MTHFD2L: variants seen among roughly 807,000 people sequenced by gnomAD.
MTHFD2L encodes methylenetetrahydrofolate dehydrogenase (NADP+ dependent) 2 like.
In MTHFD2L, 29 loss-of-function variants were observed where a neutral mutation model predicts 34.9. The observed-to-expected ratio is 0.83, with a 90% CI of 0.62 to 1.13. MTHFD2L has a LOEUF of 1.13. Ranked by LOEUF, MTHFD2L falls within the 50% of genes most tolerant of loss-of-function variation. The probability of loss-of-function intolerance (pLI) is 0.00; values close to 1 mark genes in which losing one functional copy is unlikely to be tolerated. For missense variants in MTHFD2L, 481 were observed against 446.5 expected, an observed-to-expected ratio of 1.08 and a Z score of -0.70; for synonymous variants, 167 against 155.7, an observed-to-expected ratio of 1.07 and a Z score of -0.54.
intron 5 of MTHFD2L, among the ~76,000 whole-genome samples, chr4:74,209,358 A>G (rs930995884): frequency 2.0e-5 from 3 of 151,858 alleles, no homozygotes; most frequent in South Asian, 2.1e-4. Flanking sequence ...CCACCACCCA[A>G]CAGGCCCAGG....
intron 3 of MTHFD2L, among the ~76,000 whole-genome samples, chr4:74,179,505 G>T (rs1423972938): frequency 1.3e-5 from 2 of 151,784 alleles, no homozygotes; most frequent in East Asian, 1.9e-4. Context: ...TTGCACTTTG[G>T]TACATTTTTG....
At chr4:74,152,684 C>A (rs947717105) in intron 1 of MTHFD2L, among the ~76,000 whole-genome samples, 73 of 152,132 alleles carry the variant, frequency 4.8e-4, no homozygotes, top group African/African-American at 1.7e-3. Context: ...TTGTCTCCAC[C>A]CCCTGACAGG....
intron 6 of MTHFD2L, among the ~76,000 whole-genome samples, chr4:74,272,427 C>T (rs932136387): frequency 1.1e-4 from 17 of 152,058 alleles, no homozygotes; most frequent in African/African-American, 4.1e-4. Flanking sequence ...AGAAATTTCT[C>T]CTTGTGAATT....
chr4:74,300,890 A>T (rs983332069), intron 7 of MTHFD2L, among the ~76,000 whole-genome samples: 1 of 152,098 alleles, frequency 6.6e-6, no homozygotes, highest in African/African-American at 2.4e-5. Flanking sequence ...ATATTTGGAC[A>T]AATAATCTCA....
In MTHFD2L at chr4:74,267,642, C is replaced by T. The variant is rs1745481467; in HGVS notation, c.806-13783C>T. ...TAGTGACAAGGTTTCCCTATGTTGC[C>T]CAGGCTGGTTTTGAACTCCTGGGCT... is the stretch of plus-strand genomic sequence containing the variant. On this transcript the variant is annotated intron_variant, in intron 6 of 7. Coordinates refer to ENST00000325278, the MANE Select transcript of MTHFD2L (RefSeq NM_001144978.3). 3.8e-6 allele frequency: 3 copies of T among 796,736 alleles called. No homozygotes were observed. In the African/African-American group the frequency reaches 5.6e-5, roughly 15 times the overall value. 49.4% of individuals were successfully genotyped at this position (796,736 alleles called of 1,614,324 possible).
chr4:74,133,050 T>A (rs1722668086), intron 1 of MTHFD2L, among the ~76,000 whole-genome samples: 1 of 152,194 alleles, frequency 6.6e-6, no homozygotes, highest in African/African-American at 2.4e-5. Context: ...GTTGAAGAAT[T>A]CCCTTTAGCA....
At chr4:74,169,833 TAAA>T (rs1727517931) in intron 1 of MTHFD2L, among the ~76,000 whole-genome samples, 1 of 152,296 alleles carries the variant, frequency 6.6e-6, no homozygotes, top group South Asian at 2.1e-4. Context: ...CTTTGAAAAA[TAAA>T]AACCTCAAAA....
intron 5 of MTHFD2L, among the ~76,000 whole-genome samples, chr4:74,206,083 A>C (rs897506095): frequency 3.3e-5 from 5 of 151,796 alleles, no homozygotes; most frequent in Non-Finnish European, 7.4e-5. Flanking sequence ...TGTGTAGTTC[A>C]ACAAGAGCAA....
chr4:74,132,250 A>T (rs1722575037), intron 1 of MTHFD2L, among the ~76,000 whole-genome samples: 1 of 152,170 alleles, frequency 6.6e-6, no homozygotes, highest in Admixed American at 6.5e-5. Context: ...TATATACCCA[A>T]AGGATTATAA....
rs1323003200 is a variant in MTHFD2L at position 74,283,374 on chromosome 4, CACTT to C, written c.931+1825_931+1828del. ...GTATATGCTTAGTAGCACATATACT[CACTT>C]CATGTCACATGAAGTCTAACTTGTT... On this transcript the variant is annotated intron_variant, in intron 7 of 7. Coordinates refer to ENST00000325278, the MANE Select transcript of MTHFD2L (RefSeq NM_001144978.3). 3.9e-5 allele frequency among the ~76,000 whole-genome samples: 6 copies of C among 152,006 alleles called. No individual in the cohort carries two copies. In the South Asian group the frequency reaches 1.2e-3, roughly 32 times the overall value.
At chr4:74,195,950 A>G (rs1436447826) in intron 3 of MTHFD2L, 2 of 152,214 alleles carry the variant, frequency 1.3e-5, no homozygotes, top group Admixed American at 6.5e-5. Flanking sequence ...TTTGAATAGA[A>G]TGGGAGGCAG....
At chr4:74,228,945 C>T (rs1442548019) in intron 6 of MTHFD2L, among the ~76,000 whole-genome samples, 1 of 152,164 alleles carries the variant, frequency 6.6e-6, no homozygotes, top group Non-Finnish European at 1.5e-5. Flanking sequence ...GTTGGCCATA[C>T]ACCATGCTAA....
intron 3 of MTHFD2L, chr4:74,180,882 G>A (rs1480470131): frequency 5.3e-6 from 1 of 190,406 alleles, no homozygotes; most frequent in Non-Finnish European, 1.2e-5. Context: ...AAAGGGGTCT[G>A]TTATTTATGT....
chr4:74,149,019 C>G (rs187268005), intron 1 of MTHFD2L, among the ~76,000 whole-genome samples: 1 of 151,896 alleles, frequency 6.6e-6, no homozygotes, highest in East Asian at 1.9e-4. Context: ...TTCTTCTTAT[C>G]TTTCTGCTGT....
rs914916303 is a variant in MTHFD2L at position 74,207,262 on chromosome 4, A to G, written c.712+5892A>G. Among the ~76,000 whole-genome samples, 8 of 152,126 alleles carry G rather than the reference A, an allele frequency of 5.3e-5. No individual in the cohort carries two copies. In the South Asian group the frequency reaches 1.7e-3, roughly 32 times the overall value. ...ATTTCTAAGTAGGACATATCTTCTA[A>G]TTAGGTGAGATTTCCCTAATCAGCC... On this transcript the variant is annotated intron_variant, in intron 5 of 7. Coordinates refer to ENST00000325278, the MANE Select transcript of MTHFD2L (RefSeq NM_001144978.3).
rs77772861 is a variant in MTHFD2L, at chr4:74,299,823, G to T, written c.932-1874G>T. ...TGATGTCTAGTTAAGGGAACAGACA[G>T]TGCACAGTGTCTTAAGTTCCATAAT... On this transcript the variant is annotated intron_variant, in intron 7 of 7. Transcript: ENST00000325278. 2.2e-3 allele frequency among the ~76,000 whole-genome samples: 328 copies of T among 152,170 alleles called. 1 individual carries two copies. The highest frequency in any genetic ancestry group is 7.6e-3 in the African/African-American group (317 of 41,552).
At chr4:74,294,420 T>G (rs1043652400) in intron 7 of MTHFD2L, among the ~76,000 whole-genome samples, 1 of 152,070 alleles carries the variant, frequency 6.6e-6, no homozygotes. Context: ...GAACATAAAG[T>G]TTCCAAATGA....
chr4:74,268,383 T>G (rs988791892), intron 6 of MTHFD2L: 16 of 408,250 alleles, frequency 3.9e-5, no homozygotes, highest in Non-Finnish European at 4.6e-5. Context: ...AGTAAGCATT[T>G]CCATGGTGTT....
intron 5 of MTHFD2L, among the ~76,000 whole-genome samples, chr4:74,223,364 G>A (rs976816249): frequency 2.0e-5 from 3 of 151,932 alleles, no homozygotes; most frequent in African/African-American, 7.3e-5. Context: ...ATTAATACAG[G>A]AACAGAAATC....
Sources: gnomAD v4.1 joint callset for allele counts (sites outside exome capture counted in the v4.1 genomes callset) on GRCh38, gnomAD v4.1.1 for gene constraint, MANE v1.5 for transcripts, NCBI Gene and HGNC (gene_info 2026-07-23, HGNC 2026-07-21) for gene names.